The following ANKIB1 variants were observed in gnomAD, a reference collection of about 807,000 sequenced individuals.
The protein encoded by ANKIB1 is ankyrin repeat and IBR domain-containing protein 1.
Under a neutral mutation model 122.1 loss-of-function variants are expected in ANKIB1, and 43 were observed. That is an observed-to-expected ratio of 0.35 (90% CI 0.28 to 0.45). The LOEUF is 0.45. Ranked by LOEUF, ANKIB1 falls within the 20% of genes least tolerant of loss-of-function variation. The pLI is 1.00. For synonymous variants in ANKIB1, 390 were observed against 442.0 expected (o/e 0.88, Z 1.48); for missense variants, 992 against 1,329.5 (o/e 0.75, Z 3.95).
chr7:92,332,530 AG>A (rs1394832876), intron 5 of ANKIB1, among the ~76,000 whole-genome samples: 1 of 152,236 alleles, frequency 6.6e-6, no homozygotes, highest in African/African-American at 2.4e-5. Flanking sequence ...AGGAATACAA[AG>A]GTCATTTTCT....
intron 11 of ANKIB1, among the ~76,000 whole-genome samples, chr7:92,372,982 C>T (rs1804307705): frequency 6.6e-6 from 1 of 151,746 alleles, no homozygotes; most frequent in South Asian, 2.1e-4. Context: ...TGATTTTTAA[C>T]TTTGAGGCTT....
intron 1 of ANKIB1, among the ~76,000 whole-genome samples, chr7:92,277,426 A>G (rs566094785): frequency 2.0e-5 from 3 of 152,296 alleles, no homozygotes; most frequent in Admixed American, 1.3e-4. Context: ...CTTTATTCAG[A>G]TATAACCCCA....
chr7:92,285,397 C>G (rs1585088177), intron 1 of ANKIB1, among the ~76,000 whole-genome samples: 1 of 152,230 alleles, frequency 6.6e-6, no homozygotes, highest in East Asian at 1.9e-4. Context: ...AAACATTTTT[C>G]ATATAGAAAA....
chr7:92,383,613 C>T (rs542861657), intron 11 of ANKIB1, among the ~76,000 whole-genome samples: 10 of 152,264 alleles, frequency 6.6e-5, no homozygotes, highest in African/African-American at 2.2e-4. Flanking sequence ...CGTAATCCAT[C>T]ACATAAACAG....
In ANKIB1 at chr7:92,388,051, A is replaced by G; in HGVS notation, c.1906+10A>G. On this transcript the variant is annotated intron_variant, in intron 14 of 19. Transcript: ENST00000265742. ...AGAGCTCTCAAAGAAAGTAAGTTAT[A>G]AGTTGTATGTGTGATAATTAATATA... 6.4e-7 allele frequency: 1 copy of G among 1,555,428 alleles called. No homozygotes were observed. The highest frequency in any genetic ancestry group is 1.7e-4 in the Middle Eastern group (1 of 5,980).
In ANKIB1 at chr7:92,319,259, T is replaced by C. The variant is rs1333101835; in HGVS notation, c.487-71T>C. ...TGTGTTAATTTTATTATATTTTTAA[T>C]GTTTTAAAAATAGCATGAAATAACT... On this transcript the variant is annotated intron_variant, in intron 3 of 19. Transcript: ENST00000265742. 3 of 911,166 alleles carry C rather than the reference T, an allele frequency of 3.3e-6. No individual in the cohort carries two copies. In the African/African-American group the frequency reaches 5.1e-5, roughly 15 times the overall value. 56.4% of individuals were successfully genotyped at this position (911,166 alleles called of 1,614,324 possible).
rs2115640457 is a variant in ANKIB1 at position 92,371,701 on chromosome 7, G to C, written c.1617+94G>C. On this transcript the variant is annotated intron_variant, in intron 11 of 19. Transcript: ENST00000265742. The stretch of plus-strand genomic sequence containing the variant: ...AAGGATAAATTATTTGAGGGGGCCT[G>C]GTGCAGTGGCTCTTGCCTATAATCC... 3 of 1,377,776 alleles carry C rather than the reference G, an allele frequency of 2.2e-6. No homozygotes were observed. The East Asian group carries it at 7.6e-5, about 35-fold the overall frequency. 85.3% of individuals were successfully genotyped at this position (1,377,776 alleles called of 1,614,324 possible). A position where few individuals can be genotyped will look rare whatever the true frequency, so the allele number is the denominator to read the frequency against.
At chr7:92,310,899 G>C (rs1802679045) in intron 3 of ANKIB1, among the ~76,000 whole-genome samples, 1 of 152,158 alleles carries the variant, frequency 6.6e-6, no homozygotes, top group Non-Finnish European at 1.5e-5. Context: ...GATAGAGAAG[G>C]CTGACTATAC....
At chr7:92,343,718 G>A (rs1169180645) in intron 6 of ANKIB1, among the ~76,000 whole-genome samples, 1 of 152,022 alleles carries the variant, frequency 6.6e-6, no homozygotes, top group Non-Finnish European at 1.5e-5. Context: ...AGATAAGTTT[G>A]TGATGGGCAC....
chr7:92,361,166 G>A (rs1321759024), intron 9 of ANKIB1, among the ~76,000 whole-genome samples: 3 of 152,084 alleles, frequency 2.0e-5, no homozygotes, highest in African/African-American at 7.2e-5. Context: ...ATACAATATA[G>A]CATCATCTTG....
chr7:92,358,237 G>A (rs368473409), intron 9 of ANKIB1, among the ~76,000 whole-genome samples: 14 of 151,842 alleles, frequency 9.2e-5, no homozygotes, highest in African/African-American at 1.4e-4. Flanking sequence ...GCAAGACTCC[G>A]CCTCAAAAAA....
At position 92,331,156 on chromosome 7, in the gene ANKIB1, G is replaced by A. The variant is rs542806700; in HGVS notation, c.787+3256G>A. 2.6e-5 allele frequency among the ~76,000 whole-genome samples: 4 copies of A among 152,026 alleles called. 1 individual carries two copies. The highest frequency in any genetic ancestry group is 4.1e-4 in the South Asian group (2 of 4,820). On this transcript the variant is annotated intron_variant, in intron 5 of 19. Transcript: ENST00000265742. The stretch of plus-strand genomic sequence containing the variant: ...AAATGTAGGATTAAATACAGTAAAC[G>A]TTTCTTAATCATGTAATAGTCCAAA...
chr7:92,269,049 T>G (rs566182634), intron 1 of ANKIB1, among the ~76,000 whole-genome samples: 4 of 152,362 alleles, frequency 2.6e-5, no homozygotes, highest in African/African-American at 9.6e-5. Context: ...TTCTTAATGT[T>G]TGACTTTAAA....
intron 2 of ANKIB1, among the ~76,000 whole-genome samples, chr7:92,300,680 T>C (rs1490460098): frequency 6.6e-6 from 1 of 152,080 alleles, no homozygotes; most frequent in Non-Finnish European, 1.5e-5. Flanking sequence ...AACATATTTA[T>C]CTCCTCAAAT....
chr7:92,270,188 G>A (rs543457070), intron 1 of ANKIB1, among the ~76,000 whole-genome samples: 2 of 152,166 alleles, frequency 1.3e-5, no homozygotes, highest in South Asian at 2.1e-4. Context: ...ACAGCCACCC[G>A]AGTAGCTGGG....
intron 1 of ANKIB1, among the ~76,000 whole-genome samples, chr7:92,262,380 G>A (rs1801584226): frequency 6.6e-6 from 1 of 151,944 alleles, no homozygotes; most frequent in African/African-American, 2.4e-5. Context: ...ATACCCTGTA[G>A]GAAAAAAAGC....
intron 11 of ANKIB1, among the ~76,000 whole-genome samples, chr7:92,378,480 CAA>C (rs146294657): frequency 2.9e-4 from 23 of 80,382 alleles, no homozygotes; most frequent in Admixed American, 7.1e-4. Context: ...AGCTATTTGA[CAA>C]AAAAAAAAAA....
At chr7:92,295,848 A>C (rs1485016222) in intron 2 of ANKIB1, among the ~76,000 whole-genome samples, 1 of 152,200 alleles carries the variant, frequency 6.6e-6, no homozygotes, top group African/African-American at 2.4e-5. Context: ...ATTACATTTG[A>C]TATTTACTAG....
chr7:92,276,522 A>ACTT (rs1278379549), intron 1 of ANKIB1, among the ~76,000 whole-genome samples: 20 of 152,358 alleles, frequency 1.3e-4, no homozygotes, highest in Admixed American at 8.5e-4. Flanking sequence ...AGCCATCTCA[A>ACTT]GCCTGATATG....
Sources: allele counts gnomAD v4.1 joint callset (sites outside exome capture counted in the v4.1 genomes callset), GRCh38; gene constraint gnomAD v4.1.1; transcripts MANE v1.5; gene names NCBI Gene and HGNC (gene_info 2026-07-23, HGNC 2026-07-21).